Variants in CNKSR2 observed in about 807,000 individuals in gnomAD.
CNKSR2 encodes the protein connector enhancer of kinase suppressor of Ras 2, also known as CNK homolog protein 2.
CNKSR2 carries 14 observed loss-of-function variants against 84.4 expected under a neutral mutation model. The observed-to-expected ratio is 0.17, with a 90% CI of 0.11 to 0.26. The LOEUF is 0.26. CNKSR2 is among the 10% of genes least tolerant of loss of function. The pLI, the probability that CNKSR2 is intolerant of heterozygous loss-of-function variation, is 1.00. For synonymous variants in CNKSR2, 275 were observed against 277.9 expected (o/e 0.99, Z 0.10); for missense variants, 485 against 771.2 (o/e 0.63, Z 4.40).
intron 20 of CNKSR2, among the ~76,000 whole-genome samples, chrX:21,625,891 GAGA>G (rs2092621093): frequency 8.9e-6 from 1 of 111,745 alleles, no homozygotes; most frequent in Non-Finnish European, 1.9e-5. Context: ...CGCAAATACT[GAGA>G]TTTTGAATTA....
intron 4 of CNKSR2, among the ~76,000 whole-genome samples, chrX:21,442,734 G>A (rs1290669157): frequency 9.0e-6 from 1 of 111,431 alleles, no homozygotes; most frequent in Non-Finnish European, 1.9e-5. Context: ...TAAAAATAGT[G>A]AAGACTTAGA....
chrX:21,477,899 C>T (rs2091276636), intron 5 of CNKSR2, among the ~76,000 whole-genome samples: 1 of 111,833 alleles, frequency 8.9e-6, no homozygotes, highest in Admixed American at 9.5e-5. Context: ...AATTTTAACT[C>T]GTCTTCAGGA....
rs1363288653 is a variant in CNKSR2 at position 21,374,621 on chromosome X, A to AGCCGCAGCAGCCGCAGCAGCC, written c.-275_-274insCGCAGCAGCCGCAGCAGCCGC. 134 of 506,486 alleles carry AGCCGCAGCAGCCGCAGCAGCC rather than the reference A, an allele frequency of 2.6e-4. 3 individuals are homozygous for AGCCGCAGCAGCCGCAGCAGCC. In the African/African-American group the frequency reaches 3.0e-3, roughly 11 times the overall value. 41.7% of individuals were successfully genotyped at this position (506,486 alleles called of 1,213,427 possible). ...CAGCAGCAGCAGCAGCAGCAGCAGC[A>AGCCGCAGCAGCCGCAGCAGCC]GCAGCAGCAGCCGCCGCCGCCGCCG... On this transcript the variant is annotated 5_prime_UTR_variant, in exon 1 of 22. Transcript: ENST00000379510.
At chrX:21,566,612 C>T (rs979413659) in intron 13 of CNKSR2, among the ~76,000 whole-genome samples, 3 of 111,381 alleles carry the variant, frequency 2.7e-5, no homozygotes, top group Admixed American at 1.9e-4. Context: ...CTATCTCTGC[C>T]GTAATACTAG....
At chrX:21,445,495 T>C (rs2090840916) in intron 4 of CNKSR2, among the ~76,000 whole-genome samples, 1 of 110,471 alleles carries the variant, frequency 9.1e-6, no homozygotes, top group Non-Finnish European at 1.9e-5. Context: ...ATGCAATAAA[T>C]TATTGGTAAT....
intron 13 of CNKSR2, among the ~76,000 whole-genome samples, chrX:21,584,066 A>G (rs933429332): frequency 2.7e-5 from 3 of 112,453 alleles, no homozygotes; most frequent in African/African-American, 9.7e-5. Context: ...AATTATTAGC[A>G]TAAATATCTT....
At chrX:21,548,929 A>G (rs959090049) in intron 11 of CNKSR2, among the ~76,000 whole-genome samples, 1 of 112,332 alleles carries the variant, frequency 8.9e-6, no homozygotes, top group Non-Finnish European at 1.9e-5. Context: ...TCTCAAAATA[A>G]TAAGAGCTAT....
At chrX:21,449,303 CAAAAAAAAAA>C (rs11308049) in intron 4 of CNKSR2, among the ~76,000 whole-genome samples, 4 of 44,363 alleles carry the variant, frequency 9.0e-5, no homozygotes, top group Non-Finnish European at 1.3e-4. Context: ...GACTCCGTCT[CAAAAAAAAAA>C]AAAAAAAAAG....
intron 5 of CNKSR2, among the ~76,000 whole-genome samples, chrX:21,487,802 T>G (rs1340624856): frequency 1.8e-5 from 2 of 112,469 alleles, no homozygotes; most frequent in Non-Finnish European, 3.8e-5. Flanking sequence ...TTAAGACAAA[T>G]TTTTAAAAAT....
intron 4 of CNKSR2, among the ~76,000 whole-genome samples, chrX:21,444,671 C>G (rs1185955757): frequency 9.2e-6 from 1 of 109,199 alleles, no homozygotes; most frequent in Non-Finnish European, 1.9e-5. Flanking sequence ...CAGCTAGTTT[C>G]TCGCTCCACA....
intron 4 of CNKSR2, among the ~76,000 whole-genome samples, chrX:21,469,601 G>A (rs1388954878): frequency 9.1e-6 from 1 of 109,888 alleles, no homozygotes; most frequent in African/African-American, 3.3e-5. Flanking sequence ...TTGAAGTAAA[G>A]TTAGTTTTTT....
chrX:21,453,154 C>A (rs1420645803), intron 4 of CNKSR2, among the ~76,000 whole-genome samples: 1 of 111,369 alleles, frequency 9.0e-6, no homozygotes, highest in African/African-American at 3.3e-5. Context: ...ACCAACACTT[C>A]AAATTGATAA....
chrX:21,629,269 T>G (rs2092637404), intron 20 of CNKSR2, among the ~76,000 whole-genome samples: 1 of 112,091 alleles, frequency 8.9e-6, no homozygotes, highest in Non-Finnish European at 1.9e-5. Context: ...AGTGTCAAAC[T>G]TCCCCACATT....
intron 1 of CNKSR2, among the ~76,000 whole-genome samples, chrX:21,393,466 T>C (rs2090079018): frequency 8.9e-6 from 1 of 112,509 alleles, no homozygotes; most frequent in South Asian, 3.7e-4. Flanking sequence ...GTTTGACTTT[T>C]CAAAAGAATT....
At chrX:21,443,395 G>T (rs1461710759) in intron 4 of CNKSR2, among the ~76,000 whole-genome samples, 1 of 111,313 alleles carries the variant, frequency 9.0e-6, no homozygotes, top group Non-Finnish European at 1.9e-5. Flanking sequence ...ACATGTTAAA[G>T]AACATTTTAA....
In CNKSR2 at chrX:21,532,038, A is replaced by G; in HGVS notation, c.1274A>G (p.Gln425Arg). Reference protein sequence around the residue: ...YEYEKGRSSSQGRRESTPTYG... With the variant: ...YEYEKGRSSSRGRRESTPTYG... ...TATGAAAAAGGAAGATCAAGTAGTC[A>G]AGGAAGACGAGAAAGCACCCCAACT... Residue 425 changes from glutamine (Q) to arginine (R), a missense_variant, in exon 11 of 22, where the codon CAA (glutamine) becomes CGA (arginine). Physicochemically the swap from Gln to Arg is conservative, Grantham distance 43. Around this residue, in one of 5 missense-constraint regions of CNKSR2, gnomAD observed 132 missense variants for 166.7 expected, o/e 0.79. Transcript: ENST00000379510. The G allele has an allele frequency of 1.7e-6, 2 of 1,200,471 alleles. No individual in the cohort carries two copies. The highest frequency in any genetic ancestry group is 2.3e-6 in the Non-Finnish European group (2 of 887,068).
intron 17 of CNKSR2, among the ~76,000 whole-genome samples, chrX:21,597,858 A>G (rs1048193949): frequency 9.1e-6 from 1 of 109,747 alleles, no homozygotes; most frequent in African/African-American, 3.3e-5. Flanking sequence ...TATCATACCT[A>G]CTTCTTATGA....
chrX:21,464,998 A>T (rs936030477), intron 4 of CNKSR2, among the ~76,000 whole-genome samples: 5 of 112,125 alleles, frequency 4.5e-5, no homozygotes, highest in Middle Eastern at 9.3e-3. Context: ...TAACCAAATC[A>T]GTCTGCTTAC....
chrX:21,643,350 A>T (rs1246788689), intron 20 of CNKSR2: 1 of 111,832 alleles, frequency 8.9e-6, no homozygotes, highest in East Asian at 2.8e-4. Context: ...GTGCCCTGAA[A>T]ATTCAACCAC....
Sources: allele counts gnomAD v4.1 joint callset (sites outside exome capture counted in the v4.1 genomes callset), GRCh38; gene constraint gnomAD v4.1.1; regional missense constraint gnomAD v4.1.1; transcripts MANE v1.5; gene names NCBI Gene and HGNC (gene_info 2026-07-23, HGNC 2026-07-21).